Variants in FSTL5 observed in about 807,000 individuals in gnomAD.
FSTL5 encodes the protein follistatin like 5.
FSTL5 carries 62 observed loss-of-function variants against 89.1 expected under a neutral mutation model. The ratio of observed to expected loss-of-function variants is 0.70; its 90% CI spans 0.57 to 0.86. FSTL5 has a LOEUF of 0.86. Among genes scored for constraint, FSTL5 ranks in the 40% least tolerant of loss-of-function variants. The pLI is 0.00. For missense variants in FSTL5, 1,057 were observed against 1,001.6 expected, an observed-to-expected ratio of 1.06 and a Z score of -0.75; for synonymous variants, 383 against 346.2, an observed-to-expected ratio of 1.11 and a Z score of -1.18.
At chr4:161,753,765 A>G (rs1579068821) in intron 6 of FSTL5, among the ~76,000 whole-genome samples, 1 of 152,130 alleles carries the variant, frequency 6.6e-6, no homozygotes, top group East Asian at 1.9e-4. Flanking sequence ...TGTTTCGGCC[A>G]GGCGCGGTGG....
At chr4:161,539,690 T>G (rs1047439099) in intron 9 of FSTL5, among the ~76,000 whole-genome samples, 7 of 151,858 alleles carry the variant, frequency 4.6e-5, no homozygotes, top group Middle Eastern at 3.2e-3. Context: ...AACTGTATTC[T>G]AAATACAAAC....
At chr4:161,479,927 G>A (rs1325975759) in intron 13 of FSTL5, among the ~76,000 whole-genome samples, 2 of 152,258 alleles carry the variant, frequency 1.3e-5, no homozygotes, top group East Asian at 3.9e-4. Context: ...TGGATGAAAT[G>A]CTACATGGGT....
At chr4:162,048,188 G>A (rs1011938798) in intron 2 of FSTL5, among the ~76,000 whole-genome samples, 1 of 151,850 alleles carries the variant, frequency 6.6e-6, no homozygotes, top group Non-Finnish European at 1.5e-5. Context: ...TTAGCTGGGT[G>A]TGGTGGCACG....
intron 2 of FSTL5, among the ~76,000 whole-genome samples, chr4:162,093,473 G>GA (rs1229858912): frequency 6.6e-6 from 1 of 152,014 alleles, no homozygotes; most frequent in African/African-American, 2.4e-5. Flanking sequence ...CCAATTACCA[G>GA]AAAATATTGG....
intron 4 of FSTL5, among the ~76,000 whole-genome samples, chr4:161,801,402 A>C (rs1729787900): frequency 1.3e-5 from 2 of 151,504 alleles, no homozygotes; most frequent in African/African-American, 4.8e-5. Flanking sequence ...AGTCGTTCTC[A>C]GCTTTATGCC....
chr4:161,890,721 T>C (rs1732962041), intron 4 of FSTL5, among the ~76,000 whole-genome samples: 1 of 151,598 alleles, frequency 6.6e-6, no homozygotes, highest in African/African-American at 2.4e-5. Flanking sequence ...GTCTATTCTC[T>C]TATCTCTAGT....
At chr4:161,899,106 G>A (rs534562735) in intron 4 of FSTL5, among the ~76,000 whole-genome samples, 110 of 152,136 alleles carry the variant, frequency 7.2e-4, no homozygotes, top group African/African-American at 2.6e-3. Context: ...GGGGCCGTGG[G>A]GTCAATAGGC....
intron 7 of FSTL5, among the ~76,000 whole-genome samples, chr4:161,604,613 T>C (rs571810812): frequency 4.2e-4 from 64 of 152,206 alleles, no homozygotes; most frequent in Non-Finnish European, 6.9e-4. Context: ...CACCGGGTAG[T>C]AGAGAAAGTC....
intron 7 of FSTL5, among the ~76,000 whole-genome samples, chr4:161,607,115 C>T (rs1734474794): frequency 6.6e-6 from 1 of 152,018 alleles, no homozygotes; most frequent in African/African-American, 2.4e-5. Flanking sequence ...GTGCGCTAAC[C>T]CACAAGTTAT....
chr4:161,577,510 A>G (rs530171397), intron 8 of FSTL5, among the ~76,000 whole-genome samples: 108 of 147,726 alleles, frequency 7.3e-4, no homozygotes, highest in African/African-American at 2.5e-3. Context: ...GATGTGGTGT[A>G]TAATTGTCTT....
At chr4:161,939,096 C>T (rs1578877090) in intron 3 of FSTL5, among the ~76,000 whole-genome samples, 1 of 151,996 alleles carries the variant, frequency 6.6e-6, no homozygotes, top group African/African-American at 2.4e-5. Flanking sequence ...TCATTAGTTA[C>T]ATTATCCAAG....
intron 4 of FSTL5, among the ~76,000 whole-genome samples, chr4:161,830,598 T>A (rs1730813585): frequency 6.6e-6 from 1 of 152,176 alleles, no homozygotes; most frequent in Admixed American, 6.5e-5. Context: ...CTGTCTACCA[T>A]AAGTATATAC....
intron 15 of FSTL5, among the ~76,000 whole-genome samples, chr4:161,424,470 T>C (rs931475205): frequency 6.6e-6 from 1 of 151,856 alleles, no homozygotes. Flanking sequence ...ATGTTTCCTG[T>C]AGAAGACTTG....
chr4:161,834,183 C>A (rs1384648552), intron 4 of FSTL5, among the ~76,000 whole-genome samples: 3 of 152,086 alleles, frequency 2.0e-5, no homozygotes, highest in Admixed American at 1.3e-4. Flanking sequence ...AGCATATAAA[C>A]AGAACCAAAG....
intron 2 of FSTL5, among the ~76,000 whole-genome samples, chr4:162,052,375 AAC>A (rs764601952): frequency 2.4e-4 from 37 of 151,902 alleles, no homozygotes; most frequent in Admixed American, 6.6e-4. Context: ...TCAGAAAATA[AAC>A]AGTTTCTATA....
At chr4:161,806,338 G>A (rs1729964975) in intron 4 of FSTL5, among the ~76,000 whole-genome samples, 1 of 152,092 alleles carries the variant, frequency 6.6e-6, no homozygotes. Context: ...AGAGTATGTT[G>A]GAGTGTGTCC....
chr4:161,899,478 T>A (rs1025580702), intron 4 of FSTL5, among the ~76,000 whole-genome samples: 1 of 152,200 alleles, frequency 6.6e-6, no homozygotes, highest in African/African-American at 2.4e-5. Flanking sequence ...CTAATACATT[T>A]ACACACAAGT....
intron 15 of FSTL5, among the ~76,000 whole-genome samples, chr4:161,401,805 G>T (rs578066935): frequency 2.0e-5 from 3 of 152,214 alleles, no homozygotes; most frequent in East Asian, 3.9e-4. Flanking sequence ...GGGATTACAG[G>T]CATGAGCCAC....
intron 4 of FSTL5, among the ~76,000 whole-genome samples, chr4:161,908,030 A>G (rs1733585029): frequency 6.6e-6 from 1 of 152,188 alleles, no homozygotes; most frequent in Non-Finnish European, 1.5e-5. Flanking sequence ...AACATGTTTC[A>G]TTTACAAAAG....
Sources: allele counts gnomAD v4.1 joint callset (sites outside exome capture counted in the v4.1 genomes callset), GRCh38; gene constraint gnomAD v4.1.1; transcripts MANE v1.5; gene names NCBI Gene and HGNC (gene_info 2026-07-23, HGNC 2026-07-21).